Variants in CSNK1E observed in about 807,000 individuals in gnomAD.
CSNK1E encodes casein kinase I isoform epsilon.
Under a neutral mutation model 46.1 loss-of-function variants are expected in CSNK1E, and 17 were observed. The observed-to-expected ratio is 0.37, with a 90% CI of 0.25 to 0.55. CSNK1E has a LOEUF of 0.55. Among genes scored for constraint, CSNK1E ranks in the 20% least tolerant of loss-of-function variants. CSNK1E has a pLI of 0.82. For synonymous variants in CSNK1E, 241 were observed against 242.6 expected (o/e 0.99, Z 0.06); for missense variants, 386 against 595.4 (o/e 0.65, Z 3.66).
At chr22:38,297,665 T>C (rs1957183349) in intron 7 of CSNK1E, 16 of 993,958 alleles carry the variant, frequency 1.6e-5, no homozygotes, top group Non-Finnish European at 1.9e-5. Context: ...GGGGTCTAGC[T>C]ATGAGTCTGT....
rs1397905687 is a variant in CSNK1E, at chr22:38,298,964, C to T, written c.737-30G>A. On this transcript the variant is annotated intron_variant, in intron 6 of 10. Coordinates refer to ENST00000396832, the MANE Select transcript of CSNK1E (RefSeq NM_152221.3). This position sits in a 1 kb window ranked among gnomAD's most constrained non-coding sequence, Gnocchi z 4.2. ...AGGGTGTTGCAGAGGATAGAGAAGG[C>T]CACTGTGAGGCCCACGCTCCCAGAC... 6.2e-7 allele frequency: 1 copy of T among 1,613,086 alleles called. No homozygotes were observed.
intron 2 of CSNK1E, among the ~76,000 whole-genome samples, chr22:38,305,784 G>C (rs914721871): frequency 6.6e-6 from 1 of 152,160 alleles, no homozygotes; most frequent in African/African-American, 2.4e-5. Flanking sequence ...ACACCTGTCT[G>C]TCGGCAAGAC....
rs1372566547 is a variant in CSNK1E, at chr22:38,298,149, G to T, written c.885+637C>A. ...CAGGGACAGGGGCGGGGACAGAAAG[G>T]TCCCTTCGCTGTCATGGGGCTGTCA... On this transcript the variant is annotated intron_variant, in intron 7 of 10. Transcript: ENST00000396832. The surrounding 1 kb of genome is among the most constrained non-coding windows in gnomAD (Gnocchi z 4.2). The T allele has an allele frequency of 6.2e-6, 8 of 1,299,398 alleles. No individual in the cohort carries two copies. The highest frequency in any genetic ancestry group is 7.1e-6 in the Non-Finnish European group (7 of 986,354). The allele number at this position is 1,299,398 out of a possible 1,614,324, so 80.5% of individuals were successfully genotyped here.
intron 10 of CSNK1E, 75 bp downstream of exon 10, chr22:38,293,180 A>C: frequency 6.2e-6 from 7 of 1,122,392 alleles, no homozygotes; most frequent in Non-Finnish European, 9.5e-6. Flanking sequence ...TCCACAACAC[A>C]TTGGTCTCTT....
intron 1 of CSNK1E, among the ~76,000 whole-genome samples, chr22:38,314,575 G>A (rs76865197): frequency 2.0e-5 from 3 of 152,342 alleles, no homozygotes; most frequent in Non-Finnish European, 2.9e-5. Context: ...CGCCTTGCAG[G>A]AGAAAGTCGC....
At chr22:38,315,319 G>A (rs2092739445) in intron 1 of CSNK1E, among the ~76,000 whole-genome samples, 1 of 152,258 alleles carries the variant, frequency 6.6e-6, no homozygotes, top group Admixed American at 6.5e-5. Flanking sequence ...GGATTCCAGG[G>A]ACAGTGGGCA....
At chr22:38,317,571 C>A (rs1320760089), upstream of CSNK1E, 3 of 152,768 alleles carry the variant, frequency 2.0e-5, no homozygotes, top group South Asian at 1.9e-4. Flanking sequence ...AGACGCAGTT[C>A]CCCAGCCTCA....
At chr22:38,312,511 A>C (rs2145851811) in intron 2 of CSNK1E, among the ~76,000 whole-genome samples, 1 of 152,296 alleles carries the variant, frequency 6.6e-6, no homozygotes, top group African/African-American at 2.4e-5. Flanking sequence ...GCTGGGCACT[A>C]GCAGATATTA....
At chr22:38,304,797 G>A (rs543887878) in intron 2 of CSNK1E, among the ~76,000 whole-genome samples, 3 of 152,146 alleles carry the variant, frequency 2.0e-5, no homozygotes, top group African/African-American at 7.2e-5. Flanking sequence ...ATAAAGTACC[G>A]ATACACGCTA....
intron 10 of CSNK1E, 38 bp downstream of exon 10, chr22:38,293,217 G>T: frequency 6.4e-7 from 1 of 1,562,144 alleles, no homozygotes; most frequent in Non-Finnish European, 8.8e-7. Flanking sequence ...CTTCTAGGTC[G>T]GCTGGGCTGG....
In CSNK1E at chr22:38,298,136, C is replaced by T. The variant is rs760637990; in HGVS notation, c.885+650G>A. The T allele has an allele frequency of 1.3e-5, 17 of 1,293,784 alleles. No homozygotes were observed. In the African/African-American group the frequency reaches 1.4e-4, roughly 10 times the overall value. The allele number at this position is 1,293,784 out of a possible 1,614,324, so 80.1% of individuals were successfully genotyped here. On this transcript the variant is annotated intron_variant, in intron 7 of 10. Transcript: ENST00000396832. This position sits in a 1 kb window ranked among gnomAD's most constrained non-coding sequence, Gnocchi z 4.2. ...CGTGGGCCCAGCACAGGGACAGGGGCGGGGACAGAAAGGTCCCTTCGCTGT... is the reference window on the plus strand; with the variant it reads ...CGTGGGCCCAGCACAGGGACAGGGGTGGGGACAGAAAGGTCCCTTCGCTGT...
chr22:38,295,322 G>T, intron 7 of CSNK1E: 1 of 643,800 alleles, frequency 1.6e-6, no homozygotes. Context: ...GCCGCCCCTG[G>T]TGCAGGAGGA....
In CSNK1E at chr22:38,298,952, G is replaced by A. The variant is rs1337450572; in HGVS notation, c.737-18C>T. The A allele has an allele frequency of 1.2e-6, 2 of 1,613,770 alleles. No individual in the cohort carries two copies. The highest frequency in any genetic ancestry group is 1.7e-6 in the Non-Finnish European group (2 of 1,179,844). ...GAATTCGGCTGGAGGGTGTTGCAGA[G>A]GATAGAGAAGGCCACTGTGAGGCCC... On this transcript the variant is annotated intron_variant, in intron 6 of 10. Transcript: ENST00000396832. This position sits in a 1 kb window ranked among gnomAD's most constrained non-coding sequence, Gnocchi z 4.2.
rs1178522307 is a variant in CSNK1E at position 38,317,203 on chromosome 22, GC to G, written c.-57del. 1 of 150,490 alleles carries G rather than the reference GC, an allele frequency of 6.6e-6. No individual in the cohort carries two copies. Among genetic ancestry groups the G allele is most frequent in the Non-Finnish European group, 1.5e-5 (1 of 67,256 alleles). The allele number at this position is 150,490 out of a possible 1,614,324, so 9.3% of individuals were successfully genotyped here. On this transcript the variant is annotated 5_prime_UTR_variant, in exon 1 of 11. Coordinates refer to ENST00000396832, the MANE Select transcript of CSNK1E (RefSeq NM_152221.3). Reference sequence around the variant, plus strand: ...ATGCCGGGCCACTGCTCGGGGGGCTGCCGCGGGCGGGGGCGGCCCGCCGGGG... The same window carrying G: ...ATGCCGGGCCACTGCTCGGGGGGCTGCGCGGGCGGGGGCGGCCCGCCGGGG...
chr22:38,311,296 A>T (rs1341071308), intron 2 of CSNK1E, among the ~76,000 whole-genome samples: 1 of 152,220 alleles, frequency 6.6e-6, no homozygotes, highest in African/African-American at 2.4e-5. Context: ...AGGAAGAACC[A>T]GCACCCAAAC....
chr22:38,293,459 G>A, intron 9 of CSNK1E, 140 bp from the exon 10 acceptor site: 1 of 618,336 alleles, frequency 1.6e-6, no homozygotes, highest in Non-Finnish European at 2.9e-6. Flanking sequence ...CCACCTCCAG[G>A]CAGCCCCTCA....
At position 38,294,242 on chromosome 22, in the gene CSNK1E, G is replaced by C. The variant is rs901866973; in HGVS notation, c.1085C>G (p.Thr362Ser). 9.3e-6 allele frequency: 15 copies of C among 1,612,010 alleles called. No homozygotes were observed. The highest frequency in any genetic ancestry group is 1.3e-5 in the Non-Finnish European group (15 of 1,179,794). The change falls in exon 9 of 11, where the codon ACT (threonine) becomes AGT (serine). Residue 362 changes from threonine (T) to serine (S), a missense_variant. Thr to Ser is a moderately conservative substitution (Grantham distance 58). Around this residue, in one of 2 missense-constraint regions of CSNK1E, gnomAD observed 174 missense variants for 185.2 expected, o/e 0.94. Coordinates refer to ENST00000396832, the MANE Select transcript of CSNK1E (RefSeq NM_152221.3). The surrounding 1 kb of genome is among the most constrained non-coding windows in gnomAD (Gnocchi z 5.5). ...PASRIQPAGNTSPRAISRVDR... is the reference protein window; with the variant it reads ...PASRIQPAGNSSPRAISRVDR... ...GACCCGCGAGATCGCTCTGGGAGAA[G>C]TATTGCCTGGAGGGAGAGTGGGAAG...
chr22:38,302,789 G>T (rs1446060347), intron 4 of CSNK1E, 72 bp downstream of exon 4: 2 of 1,571,940 alleles, frequency 1.3e-6, no homozygotes, highest in Admixed American at 3.4e-5. Flanking sequence ...GGCATCCTCT[G>T]GGGGCAGGAG....
In CSNK1E at chr22:38,300,772, G is replaced by A; in HGVS notation, c.517C>T (p.Leu173=). ...GAAGCGTAGCGGGCCGTGCCGGTCA[G>A]GTTCTTGTTTTCCCGGTAGGGAATG... ...QHIPYRENKN[L]TGTARYASIN... is the part of the protein sequence containing the mutation. Residue 173 remains leucine, a synonymous_variant, in exon 5 of 11, where the codon CTG becomes TTG. Coordinates refer to ENST00000396832, the MANE Select transcript of CSNK1E (RefSeq NM_152221.3). This position sits in a 1 kb window ranked among gnomAD's most constrained non-coding sequence, Gnocchi z 4.4. 2 of 1,614,252 alleles carry A rather than the reference G, an allele frequency of 1.2e-6. No individual in the cohort carries two copies. The highest frequency in any genetic ancestry group is 2.2e-5 in the South Asian group (2 of 91,088).
Sources: allele counts gnomAD v4.1 joint callset (sites outside exome capture counted in the v4.1 genomes callset), GRCh38; gene constraint gnomAD v4.1.1; regional missense constraint gnomAD v4.1.1; non-coding constraint Gnocchi (gnomAD v3.1); transcripts MANE v1.5; gene names NCBI Gene and HGNC (gene_info 2026-07-23, HGNC 2026-07-21).